The following PTN variants were observed in gnomAD, a reference collection of about 807,000 sequenced individuals.
The protein encoded by PTN is pleiotrophin.
In PTN, 18 loss-of-function variants were observed where a neutral mutation model predicts 24.1. The ratio of observed to expected loss-of-function variants is 0.75; its 90% CI spans 0.52 to 1.11. The LOEUF is 1.11. Among genes scored for constraint, PTN ranks in the 50% least tolerant of loss-of-function variants. The pLI is 0.00. For synonymous variants in PTN, 78 were observed against 68.6 expected (o/e 1.14, Z -0.67); for missense variants, 163 against 198.8 (o/e 0.82, Z 1.08).
At chr7:137,300,020 A>C (rs1809781584) in intron 1 of PTN, among the ~76,000 whole-genome samples, 1 of 151,812 alleles carries the variant, frequency 6.6e-6, no homozygotes. Flanking sequence ...CACATGAGGA[A>C]GAAAAGCCCA....
intron 1 of PTN, among the ~76,000 whole-genome samples, chr7:137,269,244 T>C (rs1809221925): frequency 6.6e-6 from 1 of 152,240 alleles, no homozygotes; most frequent in Admixed American, 6.5e-5. Context: ...TACTTTTATC[T>C]AGTCTTTCTC....
At chr7:137,336,589 G>A (rs910926279) in intron 1 of PTN, among the ~76,000 whole-genome samples, 2 of 152,180 alleles carry the variant, frequency 1.3e-5, no homozygotes, top group African/African-American at 4.8e-5. Flanking sequence ...CAGAAGAAAG[G>A]ATTTTCAATC....
intron 1 of PTN, among the ~76,000 whole-genome samples, chr7:137,302,307 T>C (rs1380147411): frequency 2.0e-5 from 3 of 152,026 alleles, no homozygotes; most frequent in Admixed American, 6.6e-5. Flanking sequence ...CAACGTACCA[T>C]GTCCTCTAAG....
rs771483149 is a variant in PTN at position 137,251,246 on chromosome 7, G to C, written c.435C>G (p.Thr145=). ...AGGACTTACCTTGAGGTTTGGGCTT[G>C]GTCAGTTTGCCACAGGGCTTGGAGA... The part of the protein sequence containing the change: ...VTISKPCGKL[T]KPKPQAESKK... Residue 145 remains threonine, a synonymous_variant, in exon 4 of 5, where the codon ACC becomes ACG. Coordinates refer to ENST00000348225, the MANE Select transcript of PTN (RefSeq NM_002825.7). 1 of 1,614,108 alleles carries C rather than the reference G, an allele frequency of 6.2e-7. No homozygotes were observed. The highest frequency in any genetic ancestry group is 8.5e-7 in the Non-Finnish European group (1 of 1,180,006).
intron 4 of PTN, among the ~76,000 whole-genome samples, chr7:137,244,352 A>G (rs1368915438): frequency 6.7e-6 from 1 of 148,472 alleles, no homozygotes; most frequent in Non-Finnish European, 1.5e-5. Context: ...ATCAAAGTGG[A>G]TAGCTAAAAG....
At chr7:137,312,664 C>T (rs1004782930) in intron 1 of PTN, among the ~76,000 whole-genome samples, 1 of 151,954 alleles carries the variant, frequency 6.6e-6, no homozygotes, top group African/African-American at 2.4e-5. Flanking sequence ...TTTTCAACAC[C>T]TGGTCCAAAA....
At chr7:137,298,312 AC>A (rs1183914545) in intron 1 of PTN, among the ~76,000 whole-genome samples, 3 of 151,942 alleles carry the variant, frequency 2.0e-5, no homozygotes, top group African/African-American at 7.2e-5. Flanking sequence ...CCAAATATTG[AC>A]CTGAAACTGT....
chr7:137,283,873 AT>A (rs537409616), intron 1 of PTN, among the ~76,000 whole-genome samples: 98 of 148,150 alleles, frequency 6.6e-4, no homozygotes, highest in Non-Finnish European at 1.2e-3. Flanking sequence ...CCTCATACAC[AT>A]AGTCCTACTC....
intron 3 of PTN, 138 bp from the exon 4 acceptor site, chr7:137,251,529 A>G: frequency 1.1e-6 from 1 of 948,792 alleles, no homozygotes; most frequent in Non-Finnish European, 1.6e-6. Flanking sequence ...AATAATACAG[A>G]GTGTATGCGT....
chr7:137,265,885 G>T (rs1809134777), intron 1 of PTN, among the ~76,000 whole-genome samples: 1 of 152,110 alleles, frequency 6.6e-6, no homozygotes, highest in Admixed American at 6.5e-5. Context: ...TAAAATGAAT[G>T]TTTCCTTTAG....
intron 1 of PTN, among the ~76,000 whole-genome samples, chr7:137,335,900 G>A (rs1810439391): frequency 6.7e-6 from 1 of 149,764 alleles, no homozygotes; most frequent in South Asian, 2.1e-4. Context: ...GCCTGTTTCA[G>A]TTCAGCCTCA....
intron 1 of PTN, among the ~76,000 whole-genome samples, chr7:137,298,262 C>T (rs1013072671): frequency 6.6e-6 from 1 of 151,860 alleles, no homozygotes; most frequent in East Asian, 1.9e-4. Flanking sequence ...TTCATTAGTT[C>T]GGTAAATATG....
intron 1 of PTN, among the ~76,000 whole-genome samples, chr7:137,316,217 G>A (rs1327952159): frequency 2.6e-5 from 4 of 152,060 alleles, no homozygotes; most frequent in Non-Finnish European, 4.4e-5. Context: ...TTTCCCAGAC[G>A]ATCCGTATCA....
Position 137,236,270 on chromosome 7 carries a change from G to A in PTN, c.452-8195C>T, listed in dbSNP as rs1158377879. 3 of 701,922 alleles carry A rather than the reference G, an allele frequency of 4.3e-6. No homozygotes were observed. In the African/African-American group the frequency reaches 5.2e-5, roughly 12 times the overall value. The allele number at this position is 701,922 out of a possible 1,614,324, so 43.5% of individuals were successfully genotyped here. On this transcript the variant is annotated intron_variant, in intron 4 of 4. Coordinates refer to ENST00000348225, the MANE Select transcript of PTN (RefSeq NM_002825.7). ...ATAAGAAGGAATTGAGATATCTATA[G>A]CTTCTCCAAATCATAAAGGGCCCAT...
At chr7:137,296,707 G>A (rs925434680) in intron 1 of PTN, among the ~76,000 whole-genome samples, 6 of 152,074 alleles carry the variant, frequency 3.9e-5, no homozygotes, top group African/African-American at 1.4e-4. Context: ...TTGAAACAGA[G>A]GGGACTCTGT....
intron 4 of PTN, among the ~76,000 whole-genome samples, chr7:137,246,955 G>A (rs1360070775): frequency 6.6e-6 from 1 of 152,156 alleles, no homozygotes; most frequent in Non-Finnish European, 1.5e-5. Context: ...TAAATAAAAT[G>A]TATGCTTAAA....
intron 1 of PTN, among the ~76,000 whole-genome samples, chr7:137,263,549 T>C (rs988587799): frequency 1.3e-5 from 2 of 152,168 alleles, no homozygotes; most frequent in African/African-American, 4.8e-5. Flanking sequence ...CCTGCAACCA[T>C]ATGATTCAGT....
chr7:137,253,043 TTAGAAA>T (rs1219435231), intron 3 of PTN, among the ~76,000 whole-genome samples: 3 of 151,940 alleles, frequency 2.0e-5, no homozygotes, highest in Non-Finnish European at 2.9e-5. Flanking sequence ...TCAAAGGAAC[TTAGAAA>T]TAGAAGAAAG....
rs574688477 is a variant in PTN, at chr7:137,278,134, C to T, written c.-1-23160G>A. Among the ~76,000 whole-genome samples, 854 of 150,624 alleles carry T rather than the reference C, an allele frequency of 5.7e-3. 9 individuals are homozygous for T. The highest frequency in any genetic ancestry group is 0.033 in the South Asian group (158 of 4,718). On this transcript the variant is annotated intron_variant, in intron 1 of 4. Transcript: ENST00000348225. ...CATCCTGGCTAACACGGTGAAACCCCGTCTCTACTAAAAATACAAAAAATT... is the reference window on the plus strand; with the variant it reads ...CATCCTGGCTAACACGGTGAAACCCTGTCTCTACTAAAAATACAAAAAATT...
Sources: gnomAD v4.1 joint callset for allele counts (sites outside exome capture counted in the v4.1 genomes callset) on GRCh38, gnomAD v4.1.1 for gene constraint, MANE v1.5 for transcripts, NCBI Gene and HGNC (gene_info 2026-07-23, HGNC 2026-07-21) for gene names.